Variants in ENPP6 observed in about 807,000 individuals in gnomAD.
ENPP6 encodes glycerophosphocholine cholinephosphodiesterase ENPP6.
ENPP6 carries 32 observed loss-of-function variants against 42.0 expected under a neutral mutation model. The ratio of observed to expected loss-of-function variants is 0.76; its 90% confidence interval spans 0.58 to 1.02. The LOEUF is 1.02. Among genes scored for constraint, ENPP6 ranks in the 50% least tolerant of loss-of-function variants. The pLI, the probability that ENPP6 is intolerant of heterozygous loss-of-function variation, is 0.00. For synonymous variants in ENPP6, 213 were observed against 216.0 expected, an observed-to-expected ratio of 0.99 and a Z score of 0.12; for missense variants, 552 against 566.8, an observed-to-expected ratio of 0.97 and a Z score of 0.27.
chr4:184,148,276 T>C (rs1486280842), intron 2 of ENPP6, among the ~76,000 whole-genome samples: 1 of 152,116 alleles, frequency 6.6e-6, no homozygotes, highest in African/African-American at 2.4e-5. Flanking sequence ...TGTGAAGAAG[T>C]GGATTTGCCA....
At chr4:184,188,890 A>G (rs1437839136) in intron 1 of ENPP6, among the ~76,000 whole-genome samples, 1 of 152,210 alleles carries the variant, frequency 6.6e-6, no homozygotes, top group African/African-American at 2.4e-5. Flanking sequence ...CCCTATTAAC[A>G]CTTAGACTTG....
intron 2 of ENPP6, among the ~76,000 whole-genome samples, chr4:184,132,993 C>G (rs6811932): frequency 0.64 from 97,283 of 151,860 alleles, 31,473 homozygotes; most frequent in Non-Finnish European, 0.68. Context: ...TACCCTTAGT[C>G]TATTTAACTA....
rs1393690661 is a variant in ENPP6 at position 184,212,857 on chromosome 4, A to G, written c.241+4722T>C. ...CAAACTATACTACAAGGCTACAGTA[A>G]CCAAAACAGCATGGTACTGGTACCA... On this transcript the variant is annotated intron_variant, in intron 1 of 7. Transcript: ENST00000296741. 8.5e-5 allele frequency among the ~76,000 whole-genome samples: 13 copies of G among 152,284 alleles called. No homozygotes were observed. The East Asian group carries it at 2.5e-3, about 29-fold the overall frequency.
intron 6 of ENPP6, among the ~76,000 whole-genome samples, chr4:184,111,840 G>C (rs143790844): frequency 6.6e-6 from 1 of 152,252 alleles, no homozygotes; most frequent in Non-Finnish European, 1.5e-5. Context: ...GCTGATCATC[G>C]CCTGTCCTCA....
chr4:184,104,762 A>T (rs1736058791), intron 6 of ENPP6, among the ~76,000 whole-genome samples: 1 of 152,228 alleles, frequency 6.6e-6, no homozygotes, highest in Non-Finnish European at 1.5e-5. Context: ...CAACTGTCTC[A>T]ATATTTAATA....
intron 1 of ENPP6, among the ~76,000 whole-genome samples, chr4:184,161,151 A>G (rs1321278161): frequency 6.6e-6 from 1 of 152,194 alleles, no homozygotes; most frequent in Non-Finnish European, 1.5e-5. Context: ...TACATCCAAC[A>G]AAGGACTGAT....
chr4:184,135,260 T>G (rs1008322180), intron 2 of ENPP6, among the ~76,000 whole-genome samples: 5 of 152,228 alleles, frequency 3.3e-5, no homozygotes, highest in Admixed American at 1.3e-4. Flanking sequence ...CTTTTTGCTC[T>G]CTTATTCTAT....
intron 6 of ENPP6, among the ~76,000 whole-genome samples, chr4:184,101,946 C>T (rs1245134187): frequency 2.0e-5 from 3 of 152,212 alleles, no homozygotes; most frequent in Non-Finnish European, 4.4e-5. Context: ...CAGGCTTGCG[C>T]GCTTTCCTGC....
At chr4:184,105,544 G>A (rs1040858014) in intron 6 of ENPP6, among the ~76,000 whole-genome samples, 3 of 152,162 alleles carry the variant, frequency 2.0e-5, no homozygotes, top group Non-Finnish European at 2.9e-5. Context: ...TGTAACCATA[G>A]GCAAGATACC....
In ENPP6 at chr4:184,131,270, TCCTTC is replaced by T. The variant is rs1560987536; in HGVS notation, c.422-7003_422-6999del. Among the ~76,000 whole-genome samples, 43 of 111,262 alleles carry T rather than the reference TCCTTC, an allele frequency of 3.9e-4. 1 individual carries two copies. The highest frequency in any genetic ancestry group is 3.4e-3 in the South Asian group (11 of 3,194). 73.0% of individuals were successfully genotyped at this position (111,262 alleles called of 152,430 possible). A position where few individuals can be genotyped will look rare whatever the true frequency, so the allele number is the denominator to read the frequency against. Reference sequence around the variant, plus strand: ...TTTCTTTCTCTTTCTCTTCCTTCCTTCCTTCCTTCCTTCCTTCCTTCCTTCCTTCC... The same window carrying T: ...TTTCTTTCTCTTTCTCTTCCTTCCTTCTTCCTTCCTTCCTTCCTTCCTTCC... On this transcript the variant is annotated intron_variant, in intron 2 of 7. Coordinates refer to ENST00000296741, the MANE Select transcript of ENPP6 (RefSeq NM_153343.4).
At chr4:184,203,195 G>C (rs1317799106) in intron 1 of ENPP6, among the ~76,000 whole-genome samples, 1 of 152,200 alleles carries the variant, frequency 6.6e-6, no homozygotes, top group African/African-American at 2.4e-5. Context: ...AGGTTGCAGT[G>C]AGCTGAGATC....
chr4:184,164,520 T>C (rs980345558), intron 1 of ENPP6, among the ~76,000 whole-genome samples: 2 of 152,086 alleles, frequency 1.3e-5, no homozygotes, highest in Non-Finnish European at 2.9e-5. Context: ...GAAGATGATG[T>C]TTGGAGAGGG....
At chr4:184,191,287 T>C (rs566792120) in intron 1 of ENPP6, among the ~76,000 whole-genome samples, 2 of 152,308 alleles carry the variant, frequency 1.3e-5, no homozygotes, top group Admixed American at 6.5e-5. Flanking sequence ...ATTTGTAAAA[T>C]GGGAACAATT....
chr4:184,124,033 A>G (rs1736460720), intron 3 of ENPP6, 128 bp downstream of exon 3: 8 of 667,392 alleles, frequency 1.2e-5, no homozygotes, highest in South Asian at 2.2e-5. Context: ...AACAATCACT[A>G]TGCAAGACTC....
chr4:184,126,748 C>G (rs1268871409), intron 2 of ENPP6, among the ~76,000 whole-genome samples: 1 of 152,208 alleles, frequency 6.6e-6, no homozygotes, highest in East Asian at 1.9e-4. Context: ...TCGTCCTTAT[C>G]ATTTCTCACC....
chr4:184,144,135 G>A (rs1736877944), intron 2 of ENPP6, among the ~76,000 whole-genome samples: 2 of 152,220 alleles, frequency 1.3e-5, no homozygotes, highest in African/African-American at 4.8e-5. Flanking sequence ...AGGCCTAGGA[G>A]GAAGGCGTAT....
At chr4:184,096,482 T>C (rs1025169215) in intron 7 of ENPP6, among the ~76,000 whole-genome samples, 6 of 152,158 alleles carry the variant, frequency 3.9e-5, no homozygotes, top group Admixed American at 3.3e-4. Context: ...GGCTGTTGGA[T>C]GATTTTTCTC....
chr4:184,217,492 T>C lies in ENPP6; in HGVS notation c.241+87A>G, dbSNP rs73011514. 2.2e-4 allele frequency: 338 copies of C among 1,540,734 alleles called. 1 individual carries two copies. The African/African-American group carries it at 4.3e-3, about 20-fold the overall frequency. On this transcript the variant is annotated intron_variant, in intron 1 of 7. Transcript: ENST00000296741. ...AAAGGACTAGAGAATCCAGAGCATTTAAATAAGACTCCAATGCCAGGAGCT... is the reference window on the plus strand; with the variant it reads ...AAAGGACTAGAGAATCCAGAGCATTCAAATAAGACTCCAATGCCAGGAGCT...
intron 3 of ENPP6, among the ~76,000 whole-genome samples, chr4:184,123,281 G>A (rs796130335): frequency 3.3e-5 from 5 of 152,114 alleles, no homozygotes; most frequent in African/African-American, 9.7e-5. Flanking sequence ...CATGTGGCTC[G>A]TGCTAGTGCT....
Sources: allele counts gnomAD v4.1 joint callset (sites outside exome capture counted in the v4.1 genomes callset), GRCh38; gene constraint gnomAD v4.1.1; transcripts MANE v1.5; gene names NCBI Gene and HGNC (gene_info 2026-07-23, HGNC 2026-07-21).